The following RAB23 variants were observed in gnomAD, a reference collection of about 807,000 sequenced individuals.
RAB23 encodes RAB23, member RAS oncogene family, also known as ras-related protein Rab-23.
Under a neutral mutation model 30.0 loss-of-function variants are expected in RAB23, and 15 were observed. The observed-to-expected ratio is 0.50, with a 90% CI of 0.33 to 0.77. The LOEUF (loss-of-function observed/expected upper bound fraction) is 0.77, where lower values mean the gene tolerates loss of function less well. RAB23 is among the 30% of genes least tolerant of loss of function. The pLI is 0.02. For synonymous variants in RAB23, 93 were observed against 94.0 expected (o/e 0.99, Z 0.06); for missense variants, 243 against 275.4 (o/e 0.88, Z 0.83).
intron 1 of RAB23, among the ~76,000 whole-genome samples, chr6:57,211,675 G>A (rs1418065029): frequency 6.6e-6 from 1 of 152,134 alleles, no homozygotes; most frequent in Non-Finnish European, 1.5e-5. Context: ...GGTTTACAAT[G>A]AATCCTGTAC....
At position 57,210,312 on chromosome 6, in the gene RAB23, T is replaced by G; in HGVS notation, c.69A>C (p.Ser23=). The G allele has an allele frequency of 1.9e-6, 3 of 1,613,994 alleles. No individual in the cohort carries two copies. The highest frequency in any genetic ancestry group is 2.2e-5 in the South Asian group (2 of 91,076). ...VVVGNGAVGK[S]SMIQRYCKGI... ...CTTTGCAATATCGCTGAATCATACT[T>G]GATTTTCCAACTGCTCCATTCCCTA... The change falls in exon 2 of 7, where the codon TCA becomes TCC. Residue 23 remains serine (S), a synonymous_variant. Transcript: ENST00000468148.
At chr6:57,215,994 C>T (rs141113710) in intron 1 of RAB23, among the ~76,000 whole-genome samples, 110 of 152,274 alleles carry the variant, frequency 7.2e-4, no homozygotes, top group African/African-American at 2.2e-3. Flanking sequence ...AACAACATTT[C>T]GGTCAATGAT....
chr6:57,207,430 G>A (rs1431400815), intron 3 of RAB23, among the ~76,000 whole-genome samples, 198 bp downstream of exon 3: 1 of 152,112 alleles, frequency 6.6e-6, no homozygotes, highest in Non-Finnish European at 1.5e-5. Flanking sequence ...GAGACAAACT[G>A]TCTACAGTAC....
chr6:57,217,119 A>G (rs528279467), intron 1 of RAB23, among the ~76,000 whole-genome samples: 2 of 152,218 alleles, frequency 1.3e-5, no homozygotes, highest in East Asian at 3.9e-4. Context: ...AGAAATCAAT[A>G]ACAGAAAGAT....
At position 57,193,852 on chromosome 6, in the gene RAB23, A is replaced by C; in HGVS notation, c.564T>G (p.Ser188Arg). 1 of 1,612,902 alleles carries C rather than the reference A, an allele frequency of 6.2e-7. No individual in the cohort carries two copies. Among genetic ancestry groups the C allele is most frequent in the Non-Finnish European group, 8.5e-7 (1 of 1,179,274 alleles). The part of the protein sequence containing the change: ...AEDPELTHSS[S>R]NKIGVFNTSG... ...TTCCTATGTACTTACCAATCTTGTT[A>C]CTACTTGAATGCGTTAGTTCTGGAT... The change falls in exon 6 of 7, where the codon AGT (serine) becomes AGG (arginine). Residue 188 changes from serine (S) to arginine (R), a missense_variant. Physicochemically the swap from Ser to Arg is moderately radical, Grantham distance 110. Transcript: ENST00000468148.
chr6:57,197,913 TTTG>T (rs1765089025), intron 3 of RAB23, among the ~76,000 whole-genome samples: 1 of 152,102 alleles, frequency 6.6e-6, no homozygotes, highest in South Asian at 2.1e-4. Context: ...CAGCTAATTC[TTTG>T]TTTTTTTGTT....
Position 57,187,053 on chromosome 6 carries a change from G to T in RAB23, c.*3408C>A, listed in dbSNP as rs1012037520. ...GAATTCATCCTTCATGAAATTTTTAGAGTAGTGTTTTAAATTAAGCTCCAG... is the reference window on the plus strand; with the variant it reads ...GAATTCATCCTTCATGAAATTTTTATAGTAGTGTTTTAAATTAAGCTCCAG... On this transcript the variant is annotated 3_prime_UTR_variant, in exon 7 of 7. Coordinates refer to ENST00000468148, the MANE Select transcript of RAB23 (RefSeq NM_016277.5). 1 of 152,088 alleles carries T rather than the reference G, an allele frequency of 6.6e-6. No individual in the cohort carries two copies. The highest frequency in any genetic ancestry group is 1.5e-5 in the Non-Finnish European group (1 of 68,012). 9.4% of individuals were successfully genotyped at this position (152,088 alleles called of 1,614,324 possible).
At chr6:57,213,251 C>T (rs1765718551) in intron 1 of RAB23, among the ~76,000 whole-genome samples, 1 of 152,178 alleles carries the variant, frequency 6.6e-6, no homozygotes, top group Non-Finnish European at 1.5e-5. Flanking sequence ...CACTCACCTC[C>T]TGCTGTGTGG....
intron 3 of RAB23, among the ~76,000 whole-genome samples, chr6:57,198,676 G>A (rs1056085021): frequency 2.0e-5 from 3 of 148,966 alleles, no homozygotes; most frequent in Admixed American, 6.7e-5. Context: ...GTGAGACTCT[G>A]TCTAAAAAAA....
chr6:57,196,481 T>C lies in RAB23; in HGVS notation c.367A>G (p.Ile123Val), dbSNP rs113915088. 6.2e-7 allele frequency: 1 copy of C among 1,614,002 alleles called. No individual in the cohort carries two copies. Among genetic ancestry groups the C allele is most frequent in the Non-Finnish European group, 8.5e-7 (1 of 1,179,942 alleles). The stretch of plus-strand genomic sequence containing the variant: ...ATACAAGAATCATCCAGAAGATCAA[T>C]CTTGTTTTGCACAAGTACAGTTGGT... Reference protein sequence around the residue: ...DIPTVLVQNKIDLLDDSCIKN... With the variant: ...DIPTVLVQNKVDLLDDSCIKN... The change falls in exon 4 of 7, where the codon ATT becomes GTT. Residue 123 changes from isoleucine to valine, a missense_variant. Physicochemically the swap from Ile to Val is conservative, Grantham distance 29 (BLOSUM62 3). Coordinates refer to ENST00000468148, the MANE Select transcript of RAB23 (RefSeq NM_016277.5).
In RAB23 at chr6:57,190,301, T is replaced by A; in HGVS notation, c.*160A>T. 1.2e-6 allele frequency: 1 copy of A among 833,890 alleles called. No homozygotes were observed. The highest frequency in any genetic ancestry group is 1.9e-6 in the Non-Finnish European group (1 of 522,746). 51.7% of individuals were successfully genotyped at this position (833,890 alleles called of 1,614,324 possible). A position where few individuals can be genotyped will look rare whatever the true frequency, so the allele number is the denominator to read the frequency against. On this transcript the variant is annotated 3_prime_UTR_variant, in exon 7 of 7. Coordinates refer to ENST00000468148, the MANE Select transcript of RAB23 (RefSeq NM_016277.5). The stretch of plus-strand genomic sequence containing the variant: ...AATTTTTCCACCAGAGGTCTCACTC[T>A]ACATTCTGAAAAGCACTGCAGAGCA...
intron 3 of RAB23, among the ~76,000 whole-genome samples, chr6:57,205,572 T>TA (rs1222439227): frequency 6.6e-6 from 1 of 151,964 alleles, no homozygotes; most frequent in Non-Finnish European, 1.5e-5. Context: ...CTGAATTAGC[T>TA]AAAAAAAATT....
intron 1 of RAB23, among the ~76,000 whole-genome samples, chr6:57,216,150 G>C (rs1765827280): frequency 6.6e-6 from 1 of 152,184 alleles, no homozygotes; most frequent in Admixed American, 6.5e-5. Context: ...CAGCGTACAG[G>C]TTTGTGGCTT....
chr6:57,196,841 A>G (rs1765042282), intron 3 of RAB23, among the ~76,000 whole-genome samples: 1 of 152,182 alleles, frequency 6.6e-6, no homozygotes, highest in African/African-American at 2.4e-5. Flanking sequence ...TTCAACATAT[A>G]AATTCTATTT....
chr6:57,206,871 C>G (rs983403115), intron 3 of RAB23, among the ~76,000 whole-genome samples: 4 of 152,192 alleles, frequency 2.6e-5, no homozygotes, highest in Non-Finnish European at 5.9e-5. Context: ...TTATTTCCCA[C>G]AGCATCTGCG....
At chr6:57,194,057 A>G in intron 5 of RAB23, 123 bp from the exon 6 acceptor site, 2 of 1,391,226 alleles carry the variant, frequency 1.4e-6, no homozygotes, top group South Asian at 1.4e-5. Context: ...AGGAGCATAC[A>G]ATCTAGTTAA....
intron 1 of RAB23, among the ~76,000 whole-genome samples, chr6:57,215,435 T>C (rs1765803550): frequency 6.6e-6 from 1 of 152,156 alleles, no homozygotes; most frequent in African/African-American, 2.4e-5. Context: ...GAAAAGTAAT[T>C]TGAACGACAG....
intron 1 of RAB23, among the ~76,000 whole-genome samples, chr6:57,216,834 C>CGTGGCATTTATAA (rs1554313120): frequency 6.6e-6 from 1 of 151,846 alleles, no homozygotes; most frequent in Non-Finnish European, 1.5e-5. Flanking sequence ...CAGACGTTGC[C>CGTGGCATTTATAA]GCGGCATTTA....
rs1388776673 is a variant in RAB23, at chr6:57,190,606, T to A, written c.575-6A>T. On this transcript the variant is annotated splice_polypyrimidine_tract_variant and splice_region_variant and intron_variant, in intron 6 of 6. Transcript: ENST00000468148. ...ACCAGATGTATTAAAGACACCTGTA[T>A]AAATTGAGGGAAAAGAGTGATTGCC... The A allele has an allele frequency of 2.5e-6, 4 of 1,613,884 alleles. No individual in the cohort carries two copies. The South Asian group carries it at 3.3e-5, about 13-fold the overall frequency.
Sources: allele counts gnomAD v4.1 joint callset (sites outside exome capture counted in the v4.1 genomes callset), GRCh38; gene constraint gnomAD v4.1.1; transcripts MANE v1.5; gene names NCBI Gene and HGNC (gene_info 2026-07-23, HGNC 2026-07-21).